SLC8B1: variants seen among roughly 807,000 people sequenced by gnomAD.
The protein encoded by SLC8B1 is mitochondrial sodium/calcium exchanger protein.
SLC8B1 carries 52 observed loss-of-function variants against 63.4 expected under a neutral mutation model. The ratio of observed to expected loss-of-function variants is 0.82; its 90% CI spans 0.66 to 1.03. SLC8B1 has a LOEUF of 1.03. Ranked by LOEUF, SLC8B1 falls within the 50% of genes least tolerant of loss-of-function variation. The probability of loss-of-function intolerance (pLI) is 0.00; values close to 1 mark genes in which losing one functional copy is unlikely to be tolerated. For missense variants in SLC8B1, 657 were observed against 741.7 expected (o/e 0.89, Z 1.33); for synonymous variants, 336 against 323.9 (o/e 1.04, Z -0.40).
chr12:113,328,891 G>C (rs911123578), intron 2 of SLC8B1, among the ~76,000 whole-genome samples: 1 of 151,892 alleles, frequency 6.6e-6, no homozygotes, highest in Non-Finnish European at 1.5e-5. Flanking sequence ...AGCTGGGATT[G>C]CAGACGTCCA....
chr12:113,309,698 G>C (rs1249948766), intron 12 of SLC8B1, among the ~76,000 whole-genome samples: 1 of 152,196 alleles, frequency 6.6e-6, no homozygotes, highest in African/African-American at 2.4e-5. Context: ...CGAGGCTGCA[G>C]TGAGCTATGA....
intron 10 of SLC8B1, 48 bp from the exon 11 acceptor site, chr12:113,315,524 C>G (rs1261498991): frequency 2.0e-6 from 3 of 1,495,546 alleles, no homozygotes; most frequent in African/African-American, 2.8e-5. Context: ...AAGTCTGAAT[C>G]CCAGCCGGCC....
intron 2 of SLC8B1, among the ~76,000 whole-genome samples, chr12:113,324,142 T>C (rs545003949): frequency 1.3e-5 from 2 of 151,954 alleles, no homozygotes; most frequent in African/African-American, 2.4e-5. Context: ...TAAGACCCCA[T>C]TGCTACAAAA....
chr12:113,318,967 G>T lies in SLC8B1; in HGVS notation c.799C>A (p.Pro267Thr), dbSNP rs1199899650. ...GSLFCPMPVT[P>T]EILSDSEEDR... is the part of the protein sequence containing the mutation. The stretch of plus-strand genomic sequence containing the variant: ...GGGGTCCGATGCAGACTCTTACCTG[G>T]AGTAACTGGCATGGGGCAGAACAGA... The change falls in exon 8 of 16, where the codon CCA becomes ACA. Residue 267 changes from proline (P) to threonine (T), a missense_variant. By Grantham distance (38) the Pro-to-Thr change is conservative. Coordinates refer to ENST00000680972, the MANE Select transcript of SLC8B1 (RefSeq NM_001358345.2). The T allele has an allele frequency of 6.2e-7, 1 of 1,613,642 alleles. No homozygotes were observed. The highest frequency in any genetic ancestry group is 1.1e-5 in the South Asian group (1 of 91,062).
Position 113,319,079 on chromosome 12 carries a change from C to T in SLC8B1, c.695-8G>A, listed in dbSNP as rs751817111. The T allele has an allele frequency of 1.2e-5, 20 of 1,608,858 alleles. No individual in the cohort carries two copies. Among genetic ancestry groups the T allele is most frequent in the African/African-American group, 2.7e-5 (2 of 74,760 alleles). ...CATACAAGCCCAGGTAACCTGCAGA[C>T]GGGGTGCACGCCGTCACCAAGTGGT... On this transcript the variant is annotated splice_polypyrimidine_tract_variant and splice_region_variant and intron_variant, in intron 7 of 15. Coordinates refer to ENST00000680972, the MANE Select transcript of SLC8B1 (RefSeq NM_001358345.2).
Position 113,299,991 on chromosome 12 carries a change from GGA to G in SLC8B1, c.1558-19_1558-18del, listed in dbSNP as rs1349578914. The G allele has an allele frequency of 6.2e-7, 1 of 1,611,050 alleles. No individual in the cohort carries two copies. Among genetic ancestry groups the G allele is most frequent in the African/African-American group, 1.3e-5 (1 of 74,986 alleles). ...TGGCTCCAGCTGTGGAAGAATGAGG[GGA>G]GAGAGGCTGAGTCACTGCCCGTCAC... On this transcript the variant is annotated intron_variant, in intron 15 of 15. Transcript: ENST00000680972.
At chr12:113,331,993 T>C (rs1396839143) in intron 2 of SLC8B1, among the ~76,000 whole-genome samples, 1 of 152,166 alleles carries the variant, frequency 6.6e-6, no homozygotes, top group African/African-American at 2.4e-5. Flanking sequence ...CCATCCATTC[T>C]AGCCTCCCTG....
At chr12:113,323,538 G>A (rs1294782795) in intron 2 of SLC8B1, among the ~76,000 whole-genome samples, 10 of 152,020 alleles carry the variant, frequency 6.6e-5, no homozygotes, top group African/African-American at 2.2e-4. Flanking sequence ...GGGAAACCCC[G>A]TCTCTACTAA....
chr12:113,313,903 G>A (rs1017206548), intron 11 of SLC8B1, among the ~76,000 whole-genome samples: 4 of 151,804 alleles, frequency 2.6e-5, no homozygotes, highest in Admixed American at 6.6e-5. Context: ...CCAGCTACTC[G>A]GGAGGCTGAG....
At chr12:113,309,916 T>C (rs984036852) in intron 12 of SLC8B1, among the ~76,000 whole-genome samples, 1 of 152,060 alleles carries the variant, frequency 6.6e-6, no homozygotes, top group Non-Finnish European at 1.5e-5. Flanking sequence ...TTTGGGGTGA[T>C]GAAATTCTCT....
At chr12:113,332,982 G>A in intron 1 of SLC8B1, 22 bp from the exon 2 acceptor site, 1 of 1,415,212 alleles carries the variant, frequency 7.1e-7, no homozygotes, top group South Asian at 1.3e-5. Context: ...GAGTGAGAAA[G>A]GGGGACAACA....
chr12:113,306,420 G>T, intron 14 of SLC8B1, 75 bp downstream of exon 14: 2 of 1,262,078 alleles, frequency 1.6e-6, no homozygotes, highest in East Asian at 2.5e-5. Context: ...CCAATCCCCA[G>T]GGTGGGGCAT....
Position 113,318,989 on chromosome 12 carries a change from C to A in SLC8B1, c.777G>T (p.Leu259=). 6.2e-7 allele frequency: 1 copy of A among 1,614,048 alleles called. No homozygotes were observed. The highest frequency in any genetic ancestry group is 8.5e-7 in the Non-Finnish European group (1 of 1,179,946). ...WIYQRQRRGS[L]FCPMPVTPEI... is the part of the protein sequence containing the mutation. Reference sequence around the variant, plus strand: ...CTGGAGTAACTGGCATGGGGCAGAACAGAGATCCTCTCCGTTGCCGTTGGT... The same window carrying A: ...CTGGAGTAACTGGCATGGGGCAGAAAAGAGATCCTCTCCGTTGCCGTTGGT... The change falls in exon 8 of 16, where the codon CTG becomes CTT. Residue 259 remains leucine (L), a synonymous_variant. Coordinates refer to ENST00000680972, the MANE Select transcript of SLC8B1 (RefSeq NM_001358345.2).
intron 12 of SLC8B1, among the ~76,000 whole-genome samples, chr12:113,309,774 T>C (rs1354723322): frequency 6.6e-6 from 1 of 151,674 alleles, no homozygotes; most frequent in Non-Finnish European, 1.5e-5. Context: ...GGAAATCACA[T>C]ATTGTAGGAT....
At chr12:113,331,775 A>C (rs1022943258) in intron 2 of SLC8B1, among the ~76,000 whole-genome samples, 2 of 152,024 alleles carry the variant, frequency 1.3e-5, no homozygotes, top group Non-Finnish European at 2.9e-5. Context: ...TCCCCTTTAC[A>C]TATACATCTA....
At chr12:113,333,505 C>T (rs1284381401) in intron 1 of SLC8B1, among the ~76,000 whole-genome samples, 1 of 152,212 alleles carries the variant, frequency 6.6e-6, no homozygotes, top group Non-Finnish European at 1.5e-5. Context: ...CTCATTCTAT[C>T]CTCACGACAT....
intron 11 of SLC8B1, among the ~76,000 whole-genome samples, chr12:113,313,877 G>A (rs1397089497): frequency 5.3e-5 from 8 of 152,150 alleles, no homozygotes. Flanking sequence ...AAGCATGGTG[G>A]CAGGTGCCTG....
At chr12:113,327,529 A>G (rs1042345797) in intron 2 of SLC8B1, among the ~76,000 whole-genome samples, 2 of 151,960 alleles carry the variant, frequency 1.3e-5, no homozygotes, top group Non-Finnish European at 2.9e-5. Context: ...CACTAAAAAT[A>G]TAAAAATTAG....
chr12:113,300,028 C>A (rs1233006777), intron 15 of SLC8B1, 54 bp from the exon 16 acceptor site: 2 of 1,543,022 alleles, frequency 1.3e-6, no homozygotes, highest in Non-Finnish European at 1.8e-6. Flanking sequence ...CAGGCCCCGC[C>A]CCGTCTGTGG....
Sources: allele counts gnomAD v4.1 joint callset (sites outside exome capture counted in the v4.1 genomes callset), GRCh38; gene constraint gnomAD v4.1.1; transcripts MANE v1.5; gene names NCBI Gene and HGNC (gene_info 2026-07-23, HGNC 2026-07-21).